The following RYK variants were observed in gnomAD, a reference collection of about 807,000 sequenced individuals.
RYK encodes receptor like tyrosine kinase.
Under a neutral mutation model 70.2 loss-of-function variants are expected in RYK, and 21 were observed. The ratio of observed to expected loss-of-function variants is 0.30; its 90% CI spans 0.21 to 0.43. RYK has a LOEUF of 0.43. Ranked by LOEUF, RYK falls within the 20% of genes least tolerant of loss-of-function variation. The pLI is 1.00. For missense variants in RYK, 604 were observed against 753.3 expected, an observed-to-expected ratio of 0.80 and a Z score of 2.32; for synonymous variants, 267 against 278.0, an observed-to-expected ratio of 0.96 and a Z score of 0.39.
Position 134,225,828 on chromosome 3 carries a change from G to A in RYK, c.233-3289C>T, listed in dbSNP as rs1009753491. On this transcript the variant is annotated intron_variant, in intron 1 of 14. Coordinates refer to ENST00000623711, the MANE Select transcript of RYK (RefSeq NM_002958.4). ...GCTATGATCACACCACTGTACTCCCGTCTATGTAACACAAGACCCTCTCTC... is the reference window on the plus strand; with the variant it reads ...GCTATGATCACACCACTGTACTCCCATCTATGTAACACAAGACCCTCTCTC... Among the ~76,000 whole-genome samples, 23 of 150,888 alleles carry A rather than the reference G, an allele frequency of 1.5e-4. 3 individuals carry two copies. In the South Asian group the frequency reaches 4.6e-3, roughly 30 times the overall value.
chr3:134,173,108 T>TGAAA (rs1211460845), intron 13 of RYK, among the ~76,000 whole-genome samples: 8 of 152,240 alleles, frequency 5.3e-5, no homozygotes, highest in African/African-American at 1.7e-4. Flanking sequence ...ATATATAAAA[T>TGAAA]GAAAGACCTT....
chr3:134,175,057 T>C (rs994796842), intron 13 of RYK, among the ~76,000 whole-genome samples: 2 of 152,148 alleles, frequency 1.3e-5, no homozygotes, highest in Non-Finnish European at 2.9e-5. Context: ...CTTCTGTCAA[T>C]GGGCGTGGTG....
intron 2 of RYK, 92 bp from the exon 3 acceptor site, chr3:134,211,699 G>GATTA: frequency 1.2e-5 from 9 of 777,856 alleles, no homozygotes; most frequent in African/African-American, 1.7e-5. Context: ...TTAATCAATG[G>GATTA]ATGAGCCTTT....
chr3:134,249,916 C>CTTTT (rs1559770716), intron 1 of RYK, among the ~76,000 whole-genome samples: 4 of 86,590 alleles, frequency 4.6e-5, no homozygotes, highest in African/African-American at 2.4e-4. Flanking sequence ...CTTTCTCTCT[C>CTTTT]GTTTTTTTTT....
chr3:134,159,495 T>A, intron 13 of RYK, 122 bp from the exon 14 acceptor site: 2 of 922,628 alleles, frequency 2.2e-6, no homozygotes, highest in Non-Finnish European at 3.1e-6. Context: ...AAGCGAAATG[T>A]TATTTACAAA....
chr3:134,201,049 C>CTA (rs1350548311), intron 6 of RYK, among the ~76,000 whole-genome samples: 1 of 152,214 alleles, frequency 6.6e-6, no homozygotes, highest in Admixed American at 6.5e-5. Context: ...AACTCTCTGG[C>CTA]TATATCAAGA....
intron 1 of RYK, among the ~76,000 whole-genome samples, chr3:134,238,514 T>C (rs1211787258): frequency 6.6e-6 from 1 of 152,148 alleles, no homozygotes; most frequent in Admixed American, 6.5e-5. Context: ...CAGGTAAGCC[T>C]ACCCTTTTGG....
intron 9 of RYK, among the ~76,000 whole-genome samples, chr3:134,184,670 C>G (rs2013404743): frequency 6.6e-6 from 1 of 151,950 alleles, no homozygotes; most frequent in Admixed American, 6.6e-5. Flanking sequence ...GGGGTTGAGG[C>G]TGGAGGATTG....
At chr3:134,235,141 G>C (rs983261674) in intron 1 of RYK, among the ~76,000 whole-genome samples, 5 of 151,964 alleles carry the variant, frequency 3.3e-5, no homozygotes, top group African/African-American at 1.2e-4. Context: ...CAGGGAGTGA[G>C]GCAAAACTGA....
intron 13 of RYK, among the ~76,000 whole-genome samples, chr3:134,162,724 T>C (rs2012520182): frequency 6.6e-6 from 1 of 152,206 alleles, no homozygotes; most frequent in Non-Finnish European, 1.5e-5. Context: ...CTGACAGTCA[T>C]TAGTAAATGC....
Position 134,247,573 on chromosome 3 carries a change from G to A in RYK, c.232+2850C>T, listed in dbSNP as rs762312872. On this transcript the variant is annotated intron_variant, in intron 1 of 14. Coordinates refer to ENST00000623711, the MANE Select transcript of RYK (RefSeq NM_002958.4). ...CAAAATTAGCTGGGCATGGTAATGCGTGCCTGTAATCCCAACTACTGGGGA... is the reference window on the plus strand; with the variant it reads ...CAAAATTAGCTGGGCATGGTAATGCATGCCTGTAATCCCAACTACTGGGGA... 6.6e-5 allele frequency among the ~76,000 whole-genome samples: 10 copies of A among 151,930 alleles called. No homozygotes were observed. In the South Asian group the frequency reaches 8.3e-4, roughly 13 times the overall value.
At chr3:134,205,177 T>C (rs2014177391) in intron 5 of RYK, among the ~76,000 whole-genome samples, 1 of 152,200 alleles carries the variant, frequency 6.6e-6, no homozygotes, top group African/African-American at 2.4e-5. Flanking sequence ...AAGTTAAATT[T>C]GGAGTACCTA....
intron 9 of RYK, among the ~76,000 whole-genome samples, chr3:134,187,375 C>T (rs751101984): frequency 2.6e-5 from 4 of 152,144 alleles, no homozygotes; most frequent in Non-Finnish European, 5.9e-5. Flanking sequence ...ACTTTCTACT[C>T]ATAAAACTGA....
At chr3:134,182,434 T>G (rs1038624517) in intron 10 of RYK, among the ~76,000 whole-genome samples, 3 of 152,142 alleles carry the variant, frequency 2.0e-5, no homozygotes, top group East Asian at 1.9e-4. Flanking sequence ...TGAAAATACA[T>G]GCTGGACATG....
chr3:134,169,315 G>A (rs922816276), intron 13 of RYK, among the ~76,000 whole-genome samples: 2 of 152,134 alleles, frequency 1.3e-5, no homozygotes, highest in African/African-American at 2.4e-5. Flanking sequence ...TAGTTCTTAA[G>A]AGCAGAATTA....
intron 1 of RYK, among the ~76,000 whole-genome samples, chr3:134,242,089 G>C (rs1018784029): frequency 5.9e-5 from 9 of 152,268 alleles, no homozygotes; most frequent in Admixed American, 5.9e-4. Context: ...TGGATCACCT[G>C]AGGTCAGGAG....
intron 9 of RYK, among the ~76,000 whole-genome samples, chr3:134,188,200 G>A (rs1223379835): frequency 7.2e-5 from 10 of 138,890 alleles, no homozygotes; most frequent in Admixed American, 1.5e-4. Context: ...AGTCTCTGTC[G>A]CCCAGGCTGG....
chr3:134,211,417 C>T (rs1191040573), intron 3 of RYK, 91 bp downstream of exon 3: 1 of 760,104 alleles, frequency 1.3e-6, no homozygotes, highest in South Asian at 1.9e-5. Flanking sequence ...TCAAGTAATA[C>T]ACACTACACA....
At chr3:134,203,085 G>A (rs1337783006) in intron 5 of RYK, among the ~76,000 whole-genome samples, 9 of 152,134 alleles carry the variant, frequency 5.9e-5, no homozygotes, top group Non-Finnish European at 1.0e-4. Context: ...GATGGCTCAC[G>A]CCTGTAATCC....
Sources: allele counts gnomAD v4.1 joint callset (sites outside exome capture counted in the v4.1 genomes callset), GRCh38; gene constraint gnomAD v4.1.1; transcripts MANE v1.5; gene names NCBI Gene and HGNC (gene_info 2026-07-23, HGNC 2026-07-21).